Variants in DPP10 observed in about 807,000 individuals in gnomAD.
DPP10 encodes dipeptidyl peptidase like 10, also known as inactive dipeptidyl peptidase 10.
In DPP10, 33 loss-of-function variants were observed where a neutral mutation model predicts 120.9. The ratio of observed to expected loss-of-function variants is 0.27; its 90% CI spans 0.21 to 0.37. DPP10 has a LOEUF of 0.37. DPP10 is among the 10% of genes least tolerant of loss of function. The pLI is 1.00. For missense variants in DPP10, 816 were observed against 942.8 expected (o/e 0.87, Z 1.76); for synonymous variants, 337 against 326.1 (o/e 1.03, Z -0.36).
intron 1 of DPP10, among the ~76,000 whole-genome samples, chr2:114,576,172 C>T (rs1363656575): frequency 6.6e-6 from 1 of 152,218 alleles, no homozygotes; most frequent in African/African-American, 2.4e-5. Flanking sequence ...ATAAATGGCA[C>T]ATTCAGTGAG....
intron 4 of DPP10, among the ~76,000 whole-genome samples, chr2:115,510,584 C>G (rs991950274): frequency 1.3e-5 from 2 of 152,030 alleles, no homozygotes; most frequent in Non-Finnish European, 2.9e-5. Context: ...GATGTGTGAG[C>G]CCTTGAACTT....
At chr2:115,212,524 T>G (rs1261101977) in intron 1 of DPP10, among the ~76,000 whole-genome samples, 1 of 152,158 alleles carries the variant, frequency 6.6e-6, no homozygotes, top group Non-Finnish European at 1.5e-5. Flanking sequence ...GTTACTCTTT[T>G]AGCGTATGAG....
intron 1 of DPP10, among the ~76,000 whole-genome samples, chr2:114,714,488 A>C (rs193184445): frequency 6.6e-5 from 10 of 152,272 alleles, no homozygotes; most frequent in African/African-American, 2.2e-4. Flanking sequence ...AGCAGACAAA[A>C]GAGTGAGTGA....
intron 16 of DPP10, among the ~76,000 whole-genome samples, chr2:115,782,041 G>A (rs1330466354): frequency 6.6e-6 from 1 of 151,956 alleles, no homozygotes; most frequent in South Asian, 2.1e-4. Flanking sequence ...AACATCAGTG[G>A]CTAGTCTATA....
At chr2:114,532,589 C>T (rs1686119445) in intron 1 of DPP10, among the ~76,000 whole-genome samples, 1 of 151,918 alleles carries the variant, frequency 6.6e-6, no homozygotes, top group Admixed American at 6.6e-5. Context: ...GAAGTACTCA[C>T]CATCCTGTTT....
At chr2:114,689,214 G>A (rs1699575358) in intron 1 of DPP10, among the ~76,000 whole-genome samples, 2 of 151,592 alleles carry the variant, frequency 1.3e-5, no homozygotes, top group Non-Finnish European at 2.9e-5. Flanking sequence ...TCTTCCTAAT[G>A]CTCTCCCTCT....
In DPP10 at chr2:115,794,110, G is replaced by A. The variant is rs564252504; in HGVS notation, c.1700+2754G>A. ...TATTTTTTTCGCAAATGAGCAATTA[G>A]ACAGTGATAAACAATAGAGCGACTA... On this transcript the variant is annotated intron_variant, in intron 19 of 25. Transcript: ENST00000410059. Among the ~76,000 whole-genome samples the A allele has an allele frequency of 2.6e-5, 4 of 152,190 alleles. No homozygotes were observed. The East Asian group carries it at 5.8e-4, about 22-fold the overall frequency.
intron 5 of DPP10, among the ~76,000 whole-genome samples, chr2:115,659,853 A>C (rs2088759648): frequency 6.6e-6 from 1 of 152,150 alleles, no homozygotes; most frequent in Non-Finnish European, 1.5e-5. Flanking sequence ...TTATTAATTA[A>C]CCATATCCTA....
intron 3 of DPP10, among the ~76,000 whole-genome samples, chr2:115,497,147 G>C (rs1258668276): frequency 6.6e-6 from 1 of 152,020 alleles, no homozygotes; most frequent in Admixed American, 6.6e-5. Flanking sequence ...TGAGCAGTAA[G>C]GGATTATAGA....
intron 1 of DPP10, chr2:115,162,283 A>G (rs993279167): frequency 1.0e-5 from 16 of 1,537,848 alleles, no homozygotes; most frequent in African/African-American, 1.4e-5. Context: ...GTAAAGGCTG[A>G]AGGTGCCCCG....
intron 1 of DPP10, among the ~76,000 whole-genome samples, chr2:115,129,355 C>T (rs1402850311): frequency 2.0e-5 from 3 of 152,154 alleles, no homozygotes; most frequent in East Asian, 1.9e-4. Flanking sequence ...ATGCAATCCA[C>T]GGAAATATGA....
chr2:114,444,920 A>G (rs1677854828), intron 1 of DPP10, among the ~76,000 whole-genome samples: 1 of 152,198 alleles, frequency 6.6e-6, no homozygotes, highest in African/African-American at 2.4e-5. Context: ...AATTTGCAAT[A>G]GTGAAAAGGG....
chr2:114,479,349 A>G (rs1307330350), intron 1 of DPP10, among the ~76,000 whole-genome samples: 1 of 152,188 alleles, frequency 6.6e-6, no homozygotes, highest in Non-Finnish European at 1.5e-5. Context: ...GGCTTACTGT[A>G]TAACTACAAA....
chr2:114,831,850 TA>T (rs34281601), intron 1 of DPP10, among the ~76,000 whole-genome samples: 72 of 105,206 alleles, frequency 6.8e-4, no homozygotes, highest in African/African-American at 1.9e-3. Flanking sequence ...TCTCTTTAAT[TA>T]AAAAAAATAT....
intron 13 of DPP10, among the ~76,000 whole-genome samples, chr2:115,771,026 C>T (rs886919080): frequency 2.0e-5 from 3 of 151,558 alleles, no homozygotes; most frequent in Non-Finnish European, 4.4e-5. Context: ...AATAGCTGCT[C>T]AGCATTACAG....
chr2:114,779,264 A>G (rs1271565340), intron 1 of DPP10, among the ~76,000 whole-genome samples: 1 of 152,138 alleles, frequency 6.6e-6, no homozygotes, highest in Non-Finnish European at 1.5e-5. Context: ...TTTCATAAAG[A>G]TTAAGCTAAC....
chr2:114,881,594 G>GTCTA lies in DPP10; in HGVS notation c.61-427642_61-427641insATCT, dbSNP rs1275608532. ...TATCTATCTATCTGTCTGTCTGTCT[G>GTCTA]TCTGTCTATCTATCTATCTATCTAT... is the stretch of plus-strand genomic sequence containing the variant. On this transcript the variant is annotated intron_variant, in intron 1 of 25. Transcript: ENST00000410059. Among the ~76,000 whole-genome samples the GTCTA allele has an allele frequency of 2.3e-3, 224 of 96,320 alleles. 1 individual carries two copies. The highest frequency in any genetic ancestry group is 6.4e-3 in the African/African-American group (205 of 31,920). 63.2% of individuals were successfully genotyped at this position (96,320 alleles called of 152,430 possible). A position where few individuals can be genotyped will look rare whatever the true frequency, so the allele number is the denominator to read the frequency against.
intron 1 of DPP10, among the ~76,000 whole-genome samples, chr2:114,829,528 C>T (rs1686884204): frequency 6.9e-6 from 1 of 144,836 alleles, no homozygotes. Flanking sequence ...CCACTACACT[C>T]AGCTAATTTT....
intron 1 of DPP10, among the ~76,000 whole-genome samples, chr2:115,216,819 A>G (rs781491614): frequency 1.6e-4 from 25 of 151,970 alleles, no homozygotes; most frequent in Non-Finnish European, 1.0e-4. Flanking sequence ...AGCTATATAT[A>G]TGTATATATA....
Sources: gnomAD v4.1 joint callset for allele counts (sites outside exome capture counted in the v4.1 genomes callset) on GRCh38, gnomAD v4.1.1 for gene constraint, MANE v1.5 for transcripts, NCBI Gene and HGNC (gene_info 2026-07-23, HGNC 2026-07-21) for gene names.